Variants in PDCD6 observed in about 807,000 individuals in gnomAD.
PDCD6 encodes programmed cell death 6.
A neutral mutation model predicts 28.3 loss-of-function variants in PDCD6; 12 were observed. That is an observed-to-expected ratio of 0.42 (90% CI 0.27 to 0.69). The LOEUF is 0.69. PDCD6 is among the 30% of genes least tolerant of loss of function. The probability of loss-of-function intolerance (pLI) is 0.22; values close to 1 mark genes in which losing one functional copy is unlikely to be tolerated. For synonymous variants in PDCD6, 92 were observed against 108.0 expected, an observed-to-expected ratio of 0.85 and a Z score of 0.92; for missense variants, 226 against 269.9, an observed-to-expected ratio of 0.84 and a Z score of 1.14.
chr5:310,981 T>G, intron 4 of PDCD6: 1 of 312,144 alleles, frequency 3.2e-6, no homozygotes, highest in Non-Finnish European at 6.0e-6. Context: ...GGGGTGGTGT[T>G]TGGTGAGTGC....
intron 4 of PDCD6, chr5:309,999 C>CCCAGTGATGGCCGCCGTCCCCGTGCACA (rs1560864278): frequency 2.8e-5 from 5 of 180,198 alleles, no homozygotes; most frequent in Non-Finnish European, 3.0e-5. Flanking sequence ...GCCCGTGCAC[C>CCCAGTGATGGCCGCCGTCCCCGTGCACA]CCAGTGATGG....
chr5:294,636 G>A lies in PDCD6; in HGVS notation c.164-9541G>A, dbSNP rs543357665. ...CCCGCCATGCTGGAAAGTGGTCCGG[G>A]AGTTTCTTACGAAGTTAAGCACATC... On this transcript the variant is annotated intron_variant, in intron 2 of 5. Coordinates refer to ENST00000264933, the MANE Select transcript of PDCD6 (RefSeq NM_013232.4). Among the ~76,000 whole-genome samples, 7 of 152,376 alleles carry A rather than the reference G, an allele frequency of 4.6e-5. No homozygotes were observed. The East Asian group carries it at 1.3e-3, about 29-fold the overall frequency.
At chr5:296,724 G>A (rs1202587855) in intron 2 of PDCD6, among the ~76,000 whole-genome samples, 1 of 152,238 alleles carries the variant, frequency 6.6e-6, no homozygotes, top group Non-Finnish European at 1.5e-5. Context: ...GAAAGGTGAG[G>A]AGGACGCTCC....
rs896586862 is a variant in PDCD6 at position 307,018 on chromosome 5, G to T, written c.367+258G>T. 6.6e-6 allele frequency among the ~76,000 whole-genome samples: 1 copy of T among 152,200 alleles called. No homozygotes were observed. Among genetic ancestry groups the T allele is most frequent in the African/African-American group, 2.4e-5 (1 of 41,442 alleles). ...ATCTTTTCTGAAGTGGAATGATGTC[G>T]TGAGCAAAACTGAGAATGTGGCTTT... On this transcript the variant is annotated intron_variant, in intron 4 of 5. Transcript: ENST00000264933. The surrounding 1 kb of genome is among the most constrained non-coding windows in gnomAD (Gnocchi z 6.1).
intron 2 of PDCD6, among the ~76,000 whole-genome samples, chr5:300,083 C>T (rs1296956469): frequency 1.3e-5 from 2 of 152,170 alleles, no homozygotes; most frequent in African/African-American, 2.4e-5. Flanking sequence ...GTTAACTCAG[C>T]GGGTGTGGAT....
chr5:308,124 T>G (rs949860107), intron 4 of PDCD6: 4 of 152,282 alleles, frequency 2.6e-5, no homozygotes, highest in African/African-American at 9.6e-5. Context: ...TGCTGCCGAT[T>G]GCGGCCAGGG....
intron 2 of PDCD6, among the ~76,000 whole-genome samples, chr5:302,615 ATG>A (rs1338794202): frequency 5.0e-4 from 39 of 78,086 alleles, no homozygotes; most frequent in African/African-American, 8.4e-4. Flanking sequence ...TGTGTATGCC[ATG>A]GGTTCAGGTG....
At chr5:296,975 CA>C (rs1561042490) in intron 2 of PDCD6, among the ~76,000 whole-genome samples, 1 of 152,210 alleles carries the variant, frequency 6.6e-6, no homozygotes, top group African/African-American at 2.4e-5. Context: ...CCCGACCCCC[CA>C]CGCACACCGT....
At chr5:309,735 G>A (rs1444866236) in intron 4 of PDCD6, 15 of 24,032 alleles carry the variant, frequency 6.2e-4, no homozygotes, top group African/African-American at 2.7e-3. Context: ...GATGGCCGCC[G>A]TCCCCGTGCA....
chr5:290,436 A>C, intron 2 of PDCD6: 1 of 646,828 alleles, frequency 1.5e-6, no homozygotes, highest in Non-Finnish European at 2.8e-6. Context: ...TCCCGCATGC[A>C]GGCCAAGTTG....
chr5:271,712 C>T lies in PDCD6; in HGVS notation c.-9C>T, dbSNP rs760274161. On this transcript the variant is annotated 5_prime_UTR_variant, in exon 1 of 6. Transcript: ENST00000264933. ...GCAGGCGCCTCAGCCCAGCCGCGTG[C>T]CTTGGCCCATGGCCGCCTACTCTTA... 1 of 1,518,178 alleles carries T rather than the reference C, an allele frequency of 6.6e-7. No individual in the cohort carries two copies. The highest frequency in any genetic ancestry group is 8.9e-7 in the Non-Finnish European group (1 of 1,128,074). The allele number at this position is 1,518,178 out of a possible 1,614,324, so 94.0% of individuals were successfully genotyped here.
intron 2 of PDCD6, among the ~76,000 whole-genome samples, chr5:301,886 G>C (rs1359167381): frequency 6.6e-6 from 1 of 150,528 alleles, no homozygotes; most frequent in African/African-American, 2.5e-5. Flanking sequence ...TGCTGTGTGT[G>C]TATGCCTCAG....
intron 2 of PDCD6, among the ~76,000 whole-genome samples, chr5:282,289 ATGT>A (rs1047921171): frequency 1.4e-4 from 15 of 110,014 alleles, no homozygotes; most frequent in Non-Finnish European, 2.0e-4. Flanking sequence ...GGGGGAGCTG[ATGT>A]TGTTCGCGTT....
chr5:282,421 G>A (rs957232026), intron 2 of PDCD6, among the ~76,000 whole-genome samples: 2 of 151,742 alleles, frequency 1.3e-5, no homozygotes, highest in African/African-American at 2.4e-5. Flanking sequence ...CTGCAAACCC[G>A]GAGAGAAGCT....
intron 2 of PDCD6, among the ~76,000 whole-genome samples, chr5:303,586 C>A (rs559695609): frequency 6.6e-6 from 1 of 151,630 alleles, no homozygotes. Flanking sequence ...AAGCCCAGAC[C>A]GTAATTTGTC....
intron 4 of PDCD6, chr5:311,026 C>G (rs1740877239): frequency 2.4e-6 from 1 of 410,112 alleles, no homozygotes; most frequent in Non-Finnish European, 4.4e-6. Context: ...ACAGGAGTGA[C>G]TAATGGCAGC....
rs181420215 is a variant in PDCD6, at chr5:314,051, C to A, written c.478-366C>A. 7.0e-3 allele frequency among the ~76,000 whole-genome samples: 1,064 copies of A among 152,276 alleles called. 2 individuals are homozygous for A. Among genetic ancestry groups the A allele is most frequent in the Admixed American group, 0.012 (179 of 15,300 alleles). The stretch of plus-strand genomic sequence containing the variant: ...CCTGCGCTGCACATGCCCCAGGTGG[C>A]CCCCACAGCAGAGGCGAGCCACTGG... On this transcript the variant is annotated intron_variant, in intron 5 of 5. Transcript: ENST00000264933.
chr5:313,339 T>C (rs1055384105), intron 5 of PDCD6, among the ~76,000 whole-genome samples: 3 of 152,202 alleles, frequency 2.0e-5, no homozygotes, highest in African/African-American at 4.8e-5. Context: ...GTATTCAAAA[T>C]AGAAAGAAAA....
At position 271,827 on chromosome 5, in the gene PDCD6, GCCTGGCACCGC is replaced by G; in HGVS notation, c.101+9_101+19del. On this transcript the variant is annotated splice_region_variant and intron_variant, in intron 1 of 5. Transcript: ENST00000264933. ...CTGTGGAACGTTTTCCAGAGGTGCG[GCCTGGCACCGC>G]CCGGGCACCTCCCGCCTCCGCCGCG... The G allele has an allele frequency of 7.2e-7, 1 of 1,391,418 alleles. No homozygotes were observed. Among genetic ancestry groups the G allele is most frequent in the Non-Finnish European group, 9.4e-7 (1 of 1,068,126 alleles). 86.2% of individuals were successfully genotyped at this position (1,391,418 alleles called of 1,614,324 possible). A position where few individuals can be genotyped will look rare whatever the true frequency, so the allele number is the denominator to read the frequency against.
Sources: allele counts gnomAD v4.1 joint callset (sites outside exome capture counted in the v4.1 genomes callset), GRCh38; gene constraint gnomAD v4.1.1; non-coding constraint Gnocchi (gnomAD v3.1); transcripts MANE v1.5; gene names NCBI Gene and HGNC (gene_info 2026-07-23, HGNC 2026-07-21).